Variants in TBC1D17 observed in about 807,000 individuals in gnomAD.
TBC1D17 encodes TBC1 domain family, member 17.
TBC1D17 carries 69 observed loss-of-function variants against 78.8 expected under a neutral mutation model. The observed-to-expected ratio is 0.88, with a 90% confidence interval of 0.72 to 1.07. The LOEUF (loss-of-function observed/expected upper bound fraction) is 1.07. Ranked by LOEUF, TBC1D17 falls within the 50% of genes least tolerant of loss-of-function variation. The pLI is 0.00. For missense variants in TBC1D17, 957 were observed against 861.0 expected (o/e 1.11, Z -1.39); for synonymous variants, 456 against 358.3 (o/e 1.27, Z -3.08).
At chr19:49,884,932 A>G (rs2075046817) in intron 13 of TBC1D17, among the ~76,000 whole-genome samples, 174 bp downstream of exon 13, 1 of 152,140 alleles carries the variant, frequency 6.6e-6, no homozygotes, top group African/African-American at 2.4e-5. Flanking sequence ...AACTTCACCA[A>G]ATGCAGACAC....
At chr19:49,881,724 G>A (rs1322527060) in intron 5 of TBC1D17, among the ~76,000 whole-genome samples, 5 of 152,156 alleles carry the variant, frequency 3.3e-5, no homozygotes, top group Non-Finnish European at 5.9e-5. Context: ...CAGTATCCGT[G>A]GCTTAACAAC....
rs777510359 is a variant in TBC1D17 at position 49,882,298 on chromosome 19, C to G, written c.696C>G (p.Asn232Lys). The change falls in exon 7 of 17, where the codon AAC becomes AAG. Residue 232 changes from asparagine to lysine, a missense_variant. Transcript: ENST00000221543. ...TCAGCAGCTTCTCCCGAGTGACCAA[C>G]TTCTTCCGGGGTGCCCTGCAGCCAC... ...TTFSSFSRVT[N>K]FFRGALQPQP... is the part of the protein sequence containing the mutation. 1.2e-6 allele frequency: 2 copies of G among 1,612,234 alleles called. No homozygotes were observed. The highest frequency in any genetic ancestry group is 8.5e-7 in the Non-Finnish European group (1 of 1,180,000).
At position 49,888,526 on chromosome 19, in the gene TBC1D17, G is replaced by GGCCCC; in HGVS notation, c.1849_1850insGCCCC (p.Ala617GlyfsTer47). The GGCCCC allele has an allele frequency of 5.9e-6, 9 of 1,533,176 alleles. No individual in the cohort carries two copies. The highest frequency in any genetic ancestry group is 7.9e-6 in the Non-Finnish European group (9 of 1,141,122). 95.0% of individuals were successfully genotyped at this position (1,533,176 alleles called of 1,614,324 possible). A position where few individuals can be genotyped will look rare whatever the true frequency, so the allele number is the denominator to read the frequency against. On this transcript the variant is annotated frameshift_variant, in exon 17 of 17. Coordinates refer to ENST00000221543, the MANE Select transcript of TBC1D17 (RefSeq NM_024682.3). LOFTEE classifies it low-confidence loss of function (END_TRUNC). ...CCCGCTGCCTCTGTCGCCCACCCGG[G>GGCCCC]CCCCGCCCACCCCGCCGCCCTCCAC...
At position 49,884,724 on chromosome 19, in the gene TBC1D17, G is replaced by A. The variant is rs767617000; in HGVS notation, c.1410G>A (p.Leu470=). ...KRQLGRLLLL[L]RVLDPLLCDF... ...AACTCGGGCGACTGCTGCTGCTCCTGAGGGTGCTGGACCCCCTGCTCTGCG... is the reference window on the plus strand; with the variant it reads ...AACTCGGGCGACTGCTGCTGCTCCTAAGGGTGCTGGACCCCCTGCTCTGCG... Residue 470 remains leucine, a synonymous_variant, in exon 13 of 17, where the codon CTG becomes CTA. Coordinates refer to ENST00000221543, the MANE Select transcript of TBC1D17 (RefSeq NM_024682.3). 1.2e-6 allele frequency: 2 copies of A among 1,614,092 alleles called. No individual in the cohort carries two copies. Among genetic ancestry groups the A allele is most frequent in the South Asian group, 1.1e-5 (1 of 91,084 alleles).
At position 49,878,809 on chromosome 19, in the gene TBC1D17, C is replaced by T. The variant is rs1452846212; in HGVS notation, c.195+237C>T. On this transcript the variant is annotated intron_variant, in intron 3 of 16. Coordinates refer to ENST00000221543, the MANE Select transcript of TBC1D17 (RefSeq NM_024682.3). ...CGCACGGTCGTGGGGACGGCTGACC[C>T]CTCTCTCCCTTTGCTTCTTGGGAGA... The T allele has an allele frequency of 1.0e-4, 53 of 515,364 alleles. No individual in the cohort carries two copies. The Admixed American group carries it at 1.8e-3, about 17-fold the overall frequency. 31.9% of individuals were successfully genotyped at this position (515,364 alleles called of 1,614,324 possible).
chr19:49,884,249 G>T lies in TBC1D17; in HGVS notation c.1127-4G>T. 6.2e-7 allele frequency: 1 copy of T among 1,613,452 alleles called. No individual in the cohort carries two copies. The highest frequency in any genetic ancestry group is 8.5e-7 in the Non-Finnish European group (1 of 1,179,756). ...CCTTTGCACCCTGTGCCCGGTCCCC[G>T]CAGAAAGGGATGTGAGCCGCACTGA... On this transcript the variant is annotated splice_polypyrimidine_tract_variant and splice_region_variant and intron_variant, in intron 10 of 16. Coordinates refer to ENST00000221543, the MANE Select transcript of TBC1D17 (RefSeq NM_024682.3).
chr19:49,884,908 G>T, intron 13 of TBC1D17, 150 bp downstream of exon 13: 1 of 709,064 alleles, frequency 1.4e-6, no homozygotes, highest in Non-Finnish European at 2.3e-6. Flanking sequence ...AGGCAGAATT[G>T]CTGTTTGAAG....
In TBC1D17 at chr19:49,882,286, C is replaced by T. The variant is rs138428052; in HGVS notation, c.684C>T (p.Ser228=). 18 of 1,612,260 alleles carry T rather than the reference C, an allele frequency of 1.1e-5. No individual in the cohort carries two copies. Among genetic ancestry groups the T allele is most frequent in the Non-Finnish European group, 1.4e-5 (16 of 1,180,010 alleles). The change falls in exon 7 of 17, where the codon TCC becomes TCT. Residue 228 remains serine (S), a synonymous_variant. Coordinates refer to ENST00000221543, the MANE Select transcript of TBC1D17 (RefSeq NM_024682.3). ...ACTCCACCACCTTCAGCAGCTTCTC[C>T]CGAGTGACCAACTTCTTCCGGGGTG... ...DPYSTTFSSF[S]RVTNFFRGAL...
At position 49,888,710 on chromosome 19, in the gene TBC1D17, CTGA is replaced by C; in HGVS notation, c.*88_*90del. 1.6e-6 allele frequency: 2 copies of C among 1,231,642 alleles called. No homozygotes were observed. The highest frequency in any genetic ancestry group is 2.2e-6 in the Non-Finnish European group (2 of 909,846). 76.3% of individuals were successfully genotyped at this position (1,231,642 alleles called of 1,614,324 possible). A position where few individuals can be genotyped will look rare whatever the true frequency, so the allele number is the denominator to read the frequency against. ...GGGGCAGGTGTGCTCCGCCGCCCTG[CTGA>C]TAAGCTGGCTTCATTAAACTGACAC... On this transcript the variant is annotated 3_prime_UTR_variant, in exon 17 of 17. Coordinates refer to ENST00000221543, the MANE Select transcript of TBC1D17 (RefSeq NM_024682.3).
At chr19:49,877,838 C>A in intron 1 of TBC1D17, 94 bp downstream of exon 1, 1 of 1,433,576 alleles carries the variant, frequency 7.0e-7, no homozygotes, top group Non-Finnish European at 9.5e-7. Flanking sequence ...CTCGAGAATC[C>A]GGCACGGCCT....
intron 1 of TBC1D17, 25 bp downstream of exon 1, chr19:49,877,769 C>T (rs2122410749): frequency 6.3e-7 from 1 of 1,582,438 alleles, no homozygotes; most frequent in East Asian, 2.3e-5. Context: ...CGCATTCCCT[C>T]GCTTCAGTGT....
intron 13 of TBC1D17, chr19:49,885,350 C>T (rs1225087524): frequency 1.3e-5 from 2 of 152,318 alleles, no homozygotes; most frequent in Admixed American, 6.5e-5. Flanking sequence ...GAGGCTGAGG[C>T]AGGAGAATCG....
At chr19:49,881,627 G>A (rs2075013934) in intron 5 of TBC1D17, 152 bp downstream of exon 5, 3 of 763,074 alleles carry the variant, frequency 3.9e-6, no homozygotes, top group Non-Finnish European at 4.1e-6. Context: ...AGTCAAAAAG[G>A]AGTATTGATT....
chr19:49,883,667 A>G lies in TBC1D17; in HGVS notation c.1048A>G (p.Met350Val), dbSNP rs546615609. ...GTCACTCAGGGATGAGTATTTCCGC[A>G]TGAAGCTGCAGTGGAAATCTGTGAG... ...IRKKTDEYFR[M>V]KLQWKSVSPE... Residue 350 changes from methionine (M) to valine (V), a missense_variant, in exon 10 of 17, where the codon ATG (methionine) becomes GTG (valine). Transcript: ENST00000221543. 127 of 1,613,856 alleles carry G rather than the reference A, an allele frequency of 7.9e-5. No homozygotes were observed. Among genetic ancestry groups the G allele is most frequent in the Non-Finnish European group, 1.1e-4 (125 of 1,179,956 alleles).
chr19:49,888,438 C>A lies in TBC1D17; in HGVS notation c.1761C>A (p.Asn587Lys). 1 of 1,596,414 alleles carries A rather than the reference C, an allele frequency of 6.3e-7. No homozygotes were observed. The highest frequency in any genetic ancestry group is 8.5e-7 in the Non-Finnish European group (1 of 1,174,924). The change falls in exon 17 of 17, where the codon AAC becomes AAA. Residue 587 changes from asparagine to lysine, a missense_variant. Asn to Lys is a moderately conservative substitution (Grantham distance 94). Coordinates refer to ENST00000221543, the MANE Select transcript of TBC1D17 (RefSeq NM_024682.3). Reference protein sequence around the residue: ...QLTACPELPHNVQEILGLAPP... With the variant: ...QLTACPELPHKVQEILGLAPP... The stretch of plus-strand genomic sequence containing the variant: ...CGTGCCTCCAGGAGCTGCCCCACAA[C>A]GTGCAGGAGATCCTGGGGCTGGCCC...
intron 14 of TBC1D17, 64 bp downstream of exon 14, chr19:49,887,637 CG>C (rs2075069344): frequency 1.2e-6 from 2 of 1,609,478 alleles, no homozygotes; most frequent in East Asian, 4.5e-5. Flanking sequence ...GGAGGTTGGG[CG>C]GAGAGGGACA....
intron 9 of TBC1D17, among the ~76,000 whole-genome samples, chr19:49,883,332 G>A (rs566980457): frequency 1.1e-4 from 16 of 152,278 alleles, no homozygotes; most frequent in East Asian, 7.7e-4. Context: ...AGGAGGGCCC[G>A]TCTCTCCTCA....
At chr19:49,887,624 C>G (rs1205922181) in intron 14 of TBC1D17, 51 bp downstream of exon 14, 1 of 1,610,914 alleles carries the variant, frequency 6.2e-7, no homozygotes. Flanking sequence ...CTCACCTGCC[C>G]TGGGAGGTTG....
rs1300149985 is a variant in TBC1D17 at position 49,881,402 on chromosome 19, C to T, written c.454C>T (p.Pro152Ser). 1 of 1,613,106 alleles carries T rather than the reference C, an allele frequency of 6.2e-7. No individual in the cohort carries two copies. The highest frequency in any genetic ancestry group is 1.1e-5 in the South Asian group (1 of 91,080). ...VLVTQAGGSL[P>S]ALHFHRGGTR... ...GGTGACCCAGGCTGGAGGTTCCCTGCCCGCACTGCACTTCCACCGCGGGGG... is the reference window on the plus strand; with the variant it reads ...GGTGACCCAGGCTGGAGGTTCCCTGTCCGCACTGCACTTCCACCGCGGGGG... Residue 152 changes from proline to serine, a missense_variant, in exon 5 of 17, where the codon CCC (proline) becomes TCC (serine). Transcript: ENST00000221543.
Sources: gnomAD v4.1 joint callset for allele counts (sites outside exome capture counted in the v4.1 genomes callset) on GRCh38, gnomAD v4.1.1 for gene constraint, MANE v1.5 for transcripts, NCBI Gene and HGNC (gene_info 2026-07-23, HGNC 2026-07-21) for gene names.